The following DISC1 variants were observed in gnomAD, a reference collection of about 807,000 sequenced individuals.
DISC1 encodes the protein disrupted in schizophrenia 1 protein.
In DISC1, 57 loss-of-function variants were observed where a neutral mutation model predicts 84.5. The ratio of observed to expected loss-of-function variants is 0.67; its 90% CI spans 0.55 to 0.84. The LOEUF (loss-of-function observed/expected upper bound fraction) is 0.84, where lower values mean the gene tolerates loss of function less well. DISC1 is among the 40% of genes least tolerant of loss of function. DISC1 has a pLI of 0.00. For missense variants in DISC1, 1,000 were observed against 1,057.8 expected, an observed-to-expected ratio of 0.95 and a Z score of 0.76; for synonymous variants, 411 against 415.2, an observed-to-expected ratio of 0.99 and a Z score of 0.12.
rs189123745 is a variant in DISC1, at chr1:231,822,742, A to G, written c.1981+4225A>G. On this transcript the variant is annotated intron_variant, in intron 9 of 12. Coordinates refer to ENST00000439617, the MANE Select transcript of DISC1 (RefSeq NM_018662.3). ...TGGCTCACAGTTTTGCAGGCTGTCT[A>G]AGAAGCATAGTGCCAACATCTGCTT... Among the ~76,000 whole-genome samples, 546 of 152,312 alleles carry G rather than the reference A, an allele frequency of 3.6e-3. 3 individuals carry two copies. Among genetic ancestry groups the G allele is most frequent in the African/African-American group, 0.013 (522 of 41,576 alleles).
intron 9 of DISC1, among the ~76,000 whole-genome samples, chr1:231,913,453 T>C (rs1249787080): frequency 6.6e-6 from 1 of 152,222 alleles, no homozygotes; most frequent in Non-Finnish European, 1.5e-5. Flanking sequence ...TGTATTCCTT[T>C]CCTTCTGTAC....
At chr1:231,642,037 C>A (rs2059744029) in intron 1 of DISC1, among the ~76,000 whole-genome samples, 1 of 152,276 alleles carries the variant, frequency 6.6e-6, no homozygotes, top group East Asian at 1.9e-4. Context: ...TGCACAGGAG[C>A]CCACGAAGGG....
chr1:231,853,097 G>A (rs2084014654), intron 9 of DISC1, among the ~76,000 whole-genome samples: 1 of 152,148 alleles, frequency 6.6e-6, no homozygotes, highest in African/African-American at 2.4e-5. Context: ...GAGTAACACT[G>A]CTTGAGGATG....
intron 7 of DISC1, among the ~76,000 whole-genome samples, chr1:231,799,717 G>T (rs1342514465): frequency 6.6e-6 from 1 of 151,514 alleles, no homozygotes; most frequent in Non-Finnish European, 1.5e-5. Flanking sequence ...CCTTGTGGTT[G>T]CTCTCTGTTA....
chr1:231,787,337 C>G (rs116468752), intron 6 of DISC1, among the ~76,000 whole-genome samples: 1 of 151,934 alleles, frequency 6.6e-6, no homozygotes, highest in African/African-American at 2.4e-5. Context: ...TGGCAAGGAC[C>G]TTCTTACTGC....
intron 9 of DISC1, among the ~76,000 whole-genome samples, chr1:231,865,352 T>C (rs1207147186): frequency 2.0e-5 from 3 of 152,244 alleles, no homozygotes; most frequent in Admixed American, 6.5e-5. Flanking sequence ...TGGGCAGTGA[T>C]TGTGTTACAC....
intron 12 of DISC1, among the ~76,000 whole-genome samples, chr1:232,028,811 G>C (rs949020115): frequency 6.6e-6 from 1 of 152,148 alleles, no homozygotes; most frequent in Admixed American, 6.5e-5. Flanking sequence ...CAACTATTTT[G>C]TAATAAATGC....
chr1:231,825,155 C>T (rs7532658), intron 9 of DISC1, among the ~76,000 whole-genome samples: 3,714 of 152,236 alleles, frequency 0.024, 86 homozygotes, highest in Non-Finnish European at 0.038. Flanking sequence ...TTTTAAAAGT[C>T]CCTACTATTG....
At chr1:231,654,324 A>G (rs895461412) in intron 1 of DISC1, among the ~76,000 whole-genome samples, 1 of 148,710 alleles carries the variant, frequency 6.7e-6, no homozygotes, top group Non-Finnish European at 1.5e-5. Flanking sequence ...TTTTTTTTTT[A>G]AATTAATTAC....
chr1:231,662,931 A>G (rs571326169), intron 1 of DISC1, among the ~76,000 whole-genome samples: 2 of 152,266 alleles, frequency 1.3e-5, no homozygotes, highest in African/African-American at 4.8e-5. Flanking sequence ...AGGAGGCAAA[A>G]TGGCAAAAGT....
intron 3 of DISC1, among the ~76,000 whole-genome samples, chr1:231,729,621 A>G (rs2071241846): frequency 6.6e-6 from 1 of 152,112 alleles, no homozygotes; most frequent in South Asian, 2.1e-4. Context: ...AGAAACTAAT[A>G]TTCTAGCACG....
intron 11 of DISC1, among the ~76,000 whole-genome samples, chr1:232,019,527 G>A (rs1474542963): frequency 6.6e-6 from 1 of 152,160 alleles, no homozygotes; most frequent in Admixed American, 6.5e-5. Flanking sequence ...TTTGTAGTGG[G>A]TGGTATTTTT....
chr1:231,888,918 T>C (rs1366643236), intron 9 of DISC1, among the ~76,000 whole-genome samples: 2 of 152,088 alleles, frequency 1.3e-5, no homozygotes, highest in Non-Finnish European at 2.9e-5. Flanking sequence ...GAATTCCCGA[T>C]GAAGCCAGCT....
At chr1:231,738,326 A>G (rs2072790533) in intron 3 of DISC1, among the ~76,000 whole-genome samples, 1 of 152,200 alleles carries the variant, frequency 6.6e-6, no homozygotes, top group Admixed American at 6.5e-5. Context: ...CTGACTCAGG[A>G]ACACACATTG....
intron 12 of DISC1, among the ~76,000 whole-genome samples, chr1:232,034,674 C>T (rs985059295): frequency 1.2e-4 from 19 of 152,162 alleles, no homozygotes; most frequent in African/African-American, 4.6e-4. Flanking sequence ...GGCATGTAGT[C>T]CCAGGCTGCA....
intron 1 of DISC1, among the ~76,000 whole-genome samples, chr1:231,645,207 G>A (rs908461574): frequency 1.3e-5 from 2 of 152,178 alleles, no homozygotes; most frequent in African/African-American, 4.8e-5. Context: ...ATCTGTGTCA[G>A]AAGAGGATTG....
At chr1:231,952,541 A>G (rs1433956997) in intron 9 of DISC1, among the ~76,000 whole-genome samples, 2 of 152,102 alleles carry the variant, frequency 1.3e-5, no homozygotes, top group Non-Finnish European at 2.9e-5. Context: ...TATACATGCA[A>G]ATCAAAATCT....
chr1:231,809,166 C>T (rs2080023427), intron 8 of DISC1, among the ~76,000 whole-genome samples: 1 of 152,216 alleles, frequency 6.6e-6, no homozygotes, highest in Non-Finnish European at 1.5e-5. Flanking sequence ...TCTCTCGCCA[C>T]TGGCTTGAGC....
At chr1:231,642,429 G>T (rs1661105486) in intron 1 of DISC1, among the ~76,000 whole-genome samples, 1 of 152,214 alleles carries the variant, frequency 6.6e-6, no homozygotes, top group African/African-American at 2.4e-5. Context: ...TGCCGAGAGC[G>T]AGCGCGGGCT....
Sources: allele counts gnomAD v4.1 joint callset (sites outside exome capture counted in the v4.1 genomes callset), GRCh38; gene constraint gnomAD v4.1.1; transcripts MANE v1.5; gene names NCBI Gene and HGNC (gene_info 2026-07-23, HGNC 2026-07-21).